The following PWWP3A variants were observed in gnomAD, a reference collection of about 807,000 sequenced individuals.
PWWP3A encodes PWWP domain containing 3A, DNA repair factor.
A neutral mutation model predicts 79.0 loss-of-function variants in PWWP3A; 53 were observed. That is an observed-to-expected ratio of 0.67 (90% CI 0.54 to 0.84). The LOEUF (loss-of-function observed/expected upper bound fraction) is 0.84, where lower values mean the gene tolerates loss of function less well. Ranked by LOEUF, PWWP3A falls within the 40% of genes least tolerant of loss-of-function variation. The probability of loss-of-function intolerance (pLI) is 0.00; values close to 1 mark genes in which losing one functional copy is unlikely to be tolerated. For synonymous variants in PWWP3A, 443 were observed against 394.4 expected (o/e 1.12, Z -1.46); for missense variants, 973 against 948.0 (o/e 1.03, Z -0.35).
chr19:1,376,453 C>G (rs1335671917), intron 13 of PWWP3A, 66 bp from the exon 14 acceptor site: 3 of 1,537,612 alleles, frequency 2.0e-6, no homozygotes, highest in Admixed American at 3.4e-5. Flanking sequence ...CACACCCAGT[C>G]CTCTCTCTCA....
intron 4 of PWWP3A, 162 bp from the exon 5 acceptor site, chr19:1,359,974 C>T: frequency 1.4e-6 from 1 of 722,734 alleles, no homozygotes; most frequent in Non-Finnish European, 2.0e-6. Context: ...GCCTCGTCTC[C>T]TTTTTGGGAA....
rs1428964371 is a variant in PWWP3A at position 1,376,289 on chromosome 19, CTGTT to C, written c.2076-224_2076-221del. 8.6e-5 allele frequency among the ~76,000 whole-genome samples: 7 copies of C among 81,232 alleles called. No individual in the cohort carries two copies. The East Asian group carries it at 1.2e-3, about 14-fold the overall frequency. 53.3% of individuals were successfully genotyped at this position (81,232 alleles called of 152,430 possible). The stretch of plus-strand genomic sequence containing the variant: ...TACAGACATGCGCCACCACGCCCGG[CTGTT>C]TGTTTTTTTTTTTGTTTGTTTTTTT... On this transcript the variant is annotated intron_variant, in intron 13 of 13. Coordinates refer to ENST00000591337, the MANE Select transcript of PWWP3A (RefSeq NM_001369789.1).
chr19:1,365,182 ACCC>A (rs1049550595), intron 7 of PWWP3A, among the ~76,000 whole-genome samples: 24 of 152,210 alleles, frequency 1.6e-4, no homozygotes, highest in African/African-American at 5.5e-4. Flanking sequence ...TGTGCATTTC[ACCC>A]CATGAGAGCT....
Position 1,356,405 on chromosome 19 carries a change from A to C in PWWP3A, c.13A>C (p.Lys5Gln), listed in dbSNP as rs1204454818. ...ATGAGTGTAAATGATGGCGGATGCC[A>C]AGTATGTCCTCTGCCGATGGGAAAA... is the stretch of plus-strand genomic sequence containing the variant. The part of the protein sequence containing the change: MADA[K>Q]YVLCRWEKRL... Residue 5 changes from lysine (K) to glutamine (Q), a missense_variant, in exon 2 of 14, where the codon AAG becomes CAG. Coordinates refer to ENST00000591337, the MANE Select transcript of PWWP3A (RefSeq NM_001369789.1). 1 of 1,614,222 alleles carries C rather than the reference A, an allele frequency of 6.2e-7. No individual in the cohort carries two copies. The highest frequency in any genetic ancestry group is 8.5e-7 in the Non-Finnish European group (1 of 1,180,028).
intron 13 of PWWP3A, among the ~76,000 whole-genome samples, chr19:1,375,408 T>A (rs2082343955): frequency 2.7e-5 from 3 of 112,588 alleles, no homozygotes; most frequent in Middle Eastern, 4.0e-3. Flanking sequence ...ATATATATAA[T>A]ATATATTATA....
At chr19:1,376,306 TGTTTGTTTTTTTTTTTTTTTGGTA>T (rs2082397273) in intron 13 of PWWP3A, among the ~76,000 whole-genome samples, 189 bp from the exon 14 acceptor site, 1 of 104,582 alleles carries the variant, frequency 9.6e-6, no homozygotes, top group African/African-American at 4.5e-5. Context: ...TTTTTTTTTT[TGTTTGTTTTTTTTTTTTTTTGGTA>T]TTTTTTGTAG....
At chr19:1,356,941 A>G (rs1226962203) in intron 2 of PWWP3A, 68 bp from the exon 3 acceptor site, 1 of 1,293,090 alleles carries the variant, frequency 7.7e-7, no homozygotes, top group Non-Finnish European at 1.1e-6. Flanking sequence ...CATTTGTGCT[A>G]AAGTTTGCCA....
At chr19:1,374,050 G>A (rs1026334169) in intron 13 of PWWP3A, 4 of 152,246 alleles carry the variant, frequency 2.6e-5, no homozygotes, top group East Asian at 3.8e-4. Context: ...CATGCTTGCC[G>A]TAAGAATAAG....
At chr19:1,364,244 G>A in intron 6 of PWWP3A, 1 of 624,380 alleles carries the variant, frequency 1.6e-6, no homozygotes, top group Non-Finnish European at 3.0e-6. Flanking sequence ...CATCCCAAGG[G>A]TGCGTTTGTC....
chr19:1,374,123 C>G (rs560063100), intron 13 of PWWP3A: 2 of 152,146 alleles, frequency 1.3e-5, no homozygotes, highest in Non-Finnish European at 2.9e-5. Flanking sequence ...CTGGTTTGTC[C>G]TCTCCCTCCG....
At position 1,364,502 on chromosome 19, in the gene PWWP3A, ATTCTAGAACCACG is replaced by A; in HGVS notation, c.1214-3_1223del. 1 of 1,588,850 alleles carries A rather than the reference ATTCTAGAACCACG, an allele frequency of 6.3e-7. No individual in the cohort carries two copies. The highest frequency in any genetic ancestry group is 2.0e-4 in the Middle Eastern group (1 of 5,042). ...TTTTTTTGTTTTTCTTTTTTCTTTA[ATTCTAGAACCACG>A]TTCGTTTGAAGTAGGAATGCTAGTC... On this transcript the variant is annotated splice_acceptor_variant and splice_polypyrimidine_tract_variant and coding_sequence_variant and intron_variant, in exon 7 of 14. Coordinates refer to ENST00000591337, the MANE Select transcript of PWWP3A (RefSeq NM_001369789.1). LOFTEE classifies it high-confidence loss of function.
rs761963803 is a variant in PWWP3A, at chr19:1,362,276, G to T, written c.1138G>T (p.Gly380Trp). 5 of 1,613,790 alleles carry T rather than the reference G, an allele frequency of 3.1e-6. No homozygotes were observed. Among genetic ancestry groups the T allele is most frequent in the Non-Finnish European group, 4.2e-6 (5 of 1,179,930 alleles). Residue 380 changes from glycine (G) to tryptophan (W), a missense_variant, in exon 6 of 14, where the codon GGG becomes TGG. Physicochemically the swap from Gly to Trp is radical, Grantham distance 184 (BLOSUM62 -2). Transcript: ENST00000591337. ...GTGCCAGTCTTCCGAAGAGTCCATG[G>T]GGTCTAATTCCATGCGTTCTATCCT... is the stretch of plus-strand genomic sequence containing the variant. ...KECQSSEESMGSNSMRSILEE... is the reference protein window; with the variant it reads ...KECQSSEESMWSNSMRSILEE...
chr19:1,367,608 C>T (rs1385850095), intron 9 of PWWP3A, among the ~76,000 whole-genome samples: 2 of 152,232 alleles, frequency 1.3e-5, no homozygotes, highest in South Asian at 2.1e-4. Context: ...CCCTTGCGGC[C>T]GGGGGCGTCC....
In PWWP3A at chr19:1,376,766, CTT is replaced by C. The variant is rs2082412355; in HGVS notation, c.*193_*194del. On this transcript the variant is annotated 3_prime_UTR_variant, in exon 14 of 14. Coordinates refer to ENST00000591337, the MANE Select transcript of PWWP3A (RefSeq NM_001369789.1). ...TTCGTTAACACTGAAAGCCAGTTCT[CTT>C]TTCCTGGCAGTTTTTTTCATTTTAT... The C allele has an allele frequency of 1.8e-5, 9 of 489,596 alleles. No homozygotes were observed. Among genetic ancestry groups the C allele is most frequent in the Admixed American group, 7.8e-5 (2 of 25,514 alleles). The allele number at this position is 489,596 out of a possible 1,614,324, so 30.3% of individuals were successfully genotyped here.
In PWWP3A at chr19:1,369,589, C is replaced by A. The variant is rs202147693; in HGVS notation, c.1499-7C>A. The A allele has an allele frequency of 2.7e-4, 443 of 1,614,068 alleles. No homozygotes were observed. The highest frequency in any genetic ancestry group is 1.8e-3 in the Middle Eastern group (11 of 6,084). ...ACACAGTGCTCTCTCCCCTCCACCC[C>A]CTGCAGGCTGCGGGTCTTTTGCTGG... On this transcript the variant is annotated splice_polypyrimidine_tract_variant and splice_region_variant and intron_variant, in intron 10 of 13. Transcript: ENST00000591337. This position sits in a 1 kb window ranked among gnomAD's most constrained non-coding sequence, Gnocchi z 4.0.
At chr19:1,361,694 A>C (rs2082017955) in intron 5 of PWWP3A, among the ~76,000 whole-genome samples, 1 of 152,222 alleles carries the variant, frequency 6.6e-6, no homozygotes, top group African/African-American at 2.4e-5. Flanking sequence ...TGGAAGCGGC[A>C]GGGAACTGAG....
Position 1,360,860 on chromosome 19 carries a change from C to A in PWWP3A, c.939C>A (p.Ala313=). 6.5e-7 allele frequency: 1 copy of A among 1,546,614 alleles called. No homozygotes were observed. Among genetic ancestry groups the A allele is most frequent in the African/African-American group, 1.4e-5 (1 of 72,938 alleles). ...TGGATGGCAGCCAAAGGCCGCCTGC[C>A]GTGCAGCTGGAGCCCATGGCAGCAG... ...PRLDGSQRPP[A]VQLEPMAAGA... is the part of the protein sequence containing the mutation. The change falls in exon 5 of 14, where the codon GCC becomes GCA. Residue 313 remains alanine, a synonymous_variant. Coordinates refer to ENST00000591337, the MANE Select transcript of PWWP3A (RefSeq NM_001369789.1). This position sits in a 1 kb window ranked among gnomAD's most constrained non-coding sequence, Gnocchi z 4.4.
At position 1,376,291 on chromosome 19, in the gene PWWP3A, GTTTGTTT is replaced by G. The variant is rs1250182116; in HGVS notation, c.2076-224_2076-218del. ...CAGACATGCGCCACCACGCCCGGCTGTTTGTTTTTTTTTTTGTTTGTTTTTTTTTTTT... is the reference window on the plus strand; with the variant it reads ...CAGACATGCGCCACCACGCCCGGCTGTTTTTTTTGTTTGTTTTTTTTTTTT... On this transcript the variant is annotated intron_variant, in intron 13 of 13. Coordinates refer to ENST00000591337, the MANE Select transcript of PWWP3A (RefSeq NM_001369789.1). Among the ~76,000 whole-genome samples the G allele has an allele frequency of 4.9e-4, 25 of 50,860 alleles. 1 individual carries two copies. Among genetic ancestry groups the G allele is most frequent in the African/African-American group, 1.7e-3 (23 of 13,484 alleles). The allele number at this position is 50,860 out of a possible 152,430, so 33.4% of individuals were successfully genotyped here.
At chr19:1,375,709 A>G in intron 13 of PWWP3A, among the ~76,000 whole-genome samples, 1 of 141,064 alleles carries the variant, frequency 7.1e-6, no homozygotes, top group South Asian at 2.1e-4. Context: ...TTAATATATA[A>G]TATATATAAA....
Sources: allele counts gnomAD v4.1 joint callset (sites outside exome capture counted in the v4.1 genomes callset), GRCh38; gene constraint gnomAD v4.1.1; non-coding constraint Gnocchi (gnomAD v3.1); transcripts MANE v1.5; gene names NCBI Gene and HGNC (gene_info 2026-07-23, HGNC 2026-07-21).